The following FGD3 variants were observed in gnomAD, a reference collection of about 807,000 sequenced individuals.
FGD3 encodes the protein FYVE, RhoGEF and PH domain containing 3.
Under a neutral mutation model 71.8 loss-of-function variants are expected in FGD3, and 45 were observed. That is an observed-to-expected ratio of 0.63 (90% CI 0.49 to 0.80). The LOEUF (loss-of-function observed/expected upper bound fraction) is 0.80, where lower values mean the gene tolerates loss of function less well. Among genes scored for constraint, FGD3 ranks in the 30% least tolerant of loss-of-function variants. The pLI is 0.00. For synonymous variants in FGD3, 378 were observed against 392.8 expected (o/e 0.96, Z 0.44); for missense variants, 844 against 951.5 (o/e 0.89, Z 1.49).
chr9:92,989,864 T>C (rs2118641266), intron 3 of FGD3, among the ~76,000 whole-genome samples: 1 of 152,192 alleles, frequency 6.6e-6, no homozygotes, highest in Non-Finnish European at 1.5e-5. Context: ...TTTTTTTCTT[T>C]TGGCATTATG....
chr9:93,010,454 A>G (rs1259806795), intron 7 of FGD3, 70 bp downstream of exon 7: 5 of 1,459,990 alleles, frequency 3.4e-6, no homozygotes. Context: ...GTGGGGAGAG[A>G]GGGAGAGAGA....
chr9:93,028,336 CA>C (rs371068655), intron 14 of FGD3, among the ~76,000 whole-genome samples: 105 of 84,754 alleles, frequency 1.2e-3, no homozygotes, highest in African/African-American at 8.5e-3. Flanking sequence ...TTCTTTTAAA[CA>C]GGAAAAAAAA....
rs200377280 is a variant in FGD3 at position 93,018,215 on chromosome 9, G to A, written c.1355G>A (p.Arg452Gln). Residue 452 changes from arginine to glutamine, a missense_variant and splice_region_variant, in exon 11 of 18, where the codon CGG (arginine) becomes CAG (glutamine). Transcript: ENST00000375482. ...AAAAGGTCCCTGGAGCTGCAGACGC[G>A]GTATGGAACGGGCTGTTTCTAGTGA... Reference protein sequence around the residue: ...GRKRSLELQTRTEEEKKEWIQ... With the variant: ...GRKRSLELQTQTEEEKKEWIQ... The A allele has an allele frequency of 1.6e-5, 26 of 1,613,226 alleles. No homozygotes were observed. The highest frequency in any genetic ancestry group is 7.7e-5 in the South Asian group (7 of 91,058).
At chr9:93,015,409 T>G (rs1056029344) in intron 9 of FGD3, among the ~76,000 whole-genome samples, 1 of 152,050 alleles carries the variant, frequency 6.6e-6, no homozygotes, top group African/African-American at 2.4e-5. Context: ...TGAGCCAAGA[T>G]TGCGCCATTG....
In FGD3 at chr9:93,008,686, G is replaced by A. The variant is rs906426966; in HGVS notation, c.838-1560G>A. 4.6e-5 allele frequency among the ~76,000 whole-genome samples: 7 copies of A among 152,178 alleles called. No individual in the cohort carries two copies. The South Asian group carries it at 1.0e-3, about 22-fold the overall frequency. On this transcript the variant is annotated intron_variant, in intron 6 of 17. Coordinates refer to ENST00000375482, the MANE Select transcript of FGD3 (RefSeq NM_001083536.2). ...TTTTCCCCTATTAAGTTTCTTGGCC[G>A]CTTGTGGTAGCTCACGCCTCTAATC... is the stretch of plus-strand genomic sequence containing the variant.
intron 5 of FGD3, among the ~76,000 whole-genome samples, chr9:93,004,557 C>G (rs923986922): frequency 6.6e-6 from 1 of 152,168 alleles, no homozygotes; most frequent in African/African-American, 2.4e-5. Flanking sequence ...GTCCCTGTGG[C>G]CTGTCCCTCT....
chr9:93,023,359 G>A (rs983593479), intron 14 of FGD3, among the ~76,000 whole-genome samples: 3 of 152,212 alleles, frequency 2.0e-5, no homozygotes, highest in Admixed American at 6.5e-5. Context: ...AGGAGGCCTC[G>A]GGAAAGATGT....
chr9:92,964,931 G>A (rs1859258710), intron 1 of FGD3, among the ~76,000 whole-genome samples: 1 of 152,220 alleles, frequency 6.6e-6, no homozygotes, highest in Admixed American at 6.5e-5. Flanking sequence ...AGCTTCCTCT[G>A]CACTCTGCAG....
chr9:93,022,394 G>A lies in FGD3; in HGVS notation c.1557+5G>A, dbSNP rs750859782. 9.3e-6 allele frequency: 15 copies of A among 1,612,168 alleles called. No homozygotes were observed. The highest frequency in any genetic ancestry group is 9.3e-6 in the Non-Finnish European group (11 of 1,179,160). On this transcript the variant is annotated splice_donor_5th_base_variant and intron_variant, in intron 14 of 17. Coordinates refer to ENST00000375482, the MANE Select transcript of FGD3 (RefSeq NM_001083536.2). ...GGCAGTTCGGGTGCAGCAGGGGTAA[G>A]TGCCCCATGCTCAGCGGTCAGCAGG... is the stretch of plus-strand genomic sequence containing the variant.
intron 15 of FGD3, 27 bp downstream of exon 15, chr9:93,030,023 A>T: frequency 6.2e-7 from 1 of 1,606,278 alleles, no homozygotes; most frequent in Non-Finnish European, 8.5e-7. Flanking sequence ...GGGGACAGGG[A>T]CAGGAGGCCA....
intron 1 of FGD3, among the ~76,000 whole-genome samples, chr9:92,958,881 A>G (rs897592099): frequency 5.9e-5 from 9 of 152,224 alleles, no homozygotes; most frequent in African/African-American, 1.9e-4. Context: ...ATGAATGAAA[A>G]TCTATTAGTT....
chr9:93,034,442 TC>T lies in FGD3; in HGVS notation c.1786-93del, dbSNP rs1396734674. 6 of 1,426,678 alleles carry T rather than the reference TC, an allele frequency of 4.2e-6. No homozygotes were observed. In the Admixed American group the frequency reaches 9.8e-5, roughly 23 times the overall value. 88.4% of individuals were successfully genotyped at this position (1,426,678 alleles called of 1,614,324 possible). A position where few individuals can be genotyped will look rare whatever the true frequency, so the allele number is the denominator to read the frequency against. On this transcript the variant is annotated intron_variant, in intron 16 of 17. Transcript: ENST00000375482. ...TCTTGGCCATGTCTCCACAGCCAGC[TC>T]CCCCCAAGCAGTGGCCCTGGCCCTA...
chr9:93,022,996 G>A (rs913479772), intron 14 of FGD3, among the ~76,000 whole-genome samples: 2 of 152,152 alleles, frequency 1.3e-5, no homozygotes, highest in African/African-American at 2.4e-5. Flanking sequence ...GCCTCCCTCC[G>A]TTTAATCTGG....
At chr9:93,033,330 C>CCTCCTCCCCGTCCCCTT in intron 16 of FGD3, 1 of 142,504 alleles carries the variant, frequency 7.0e-6, no homozygotes, top group Non-Finnish European at 1.4e-5. Context: ...GTCCCCTTCT[C>CCTCCTCCCCGTCCCCTT]CTCCTCCTCC....
At chr9:93,006,948 C>A in intron 6 of FGD3, among the ~76,000 whole-genome samples, 1 of 151,492 alleles carries the variant, frequency 6.6e-6, no homozygotes, top group East Asian at 1.9e-4. Context: ...AGGATGGTCT[C>A]GATCTCCTGA....
At chr9:93,019,391 T>G (rs975626039) in intron 11 of FGD3, among the ~76,000 whole-genome samples, 3 of 152,240 alleles carry the variant, frequency 2.0e-5, no homozygotes, top group Admixed American at 6.5e-5. Flanking sequence ...AGCAGTGTCC[T>G]TGTTTTTAGG....
intron 3 of FGD3, among the ~76,000 whole-genome samples, chr9:92,989,063 GT>G (rs1349907567): frequency 6.6e-6 from 1 of 151,926 alleles, no homozygotes; most frequent in East Asian, 1.9e-4. Context: ...GTTTTGTTTT[GT>G]TTTTGAGATG....
At chr9:93,005,280 A>G (rs10739941) in intron 5 of FGD3, among the ~76,000 whole-genome samples, 136,661 of 152,038 alleles carry the variant, frequency 0.9, 61,743 homozygotes, top group East Asian at 1. Context: ...CCGCCACCAC[A>G]CCCGGCTAAT....
intron 15 of FGD3, among the ~76,000 whole-genome samples, chr9:93,031,519 C>T (rs550723748): frequency 1.3e-5 from 2 of 152,250 alleles, no homozygotes; most frequent in South Asian, 2.1e-4. Context: ...GCCCGGTATT[C>T]CTGCTTCCTC....
Sources: allele counts gnomAD v4.1 joint callset (sites outside exome capture counted in the v4.1 genomes callset), GRCh38; gene constraint gnomAD v4.1.1; transcripts MANE v1.5; gene names NCBI Gene and HGNC (gene_info 2026-07-23, HGNC 2026-07-21).